PAFAH1B1: variants seen among roughly 807,000 people sequenced by gnomAD.
PAFAH1B1 encodes the protein platelet activating factor acetylhydrolase 1b regulatory subunit 1.
PAFAH1B1 carries 2 observed loss-of-function variants against 57.5 expected under a neutral mutation model. The ratio of observed to expected loss-of-function variants is 0.03; its 90% confidence interval spans 0.01 to 0.11. The LOEUF is 0.11. PAFAH1B1 is among the 10% of genes least tolerant of loss of function. The pLI, the probability that PAFAH1B1 is intolerant of heterozygous loss-of-function variation, is 1.00. For missense variants in PAFAH1B1, 257 were observed against 512.0 expected (o/e 0.50, Z 4.81); for synonymous variants, 152 against 169.6 (o/e 0.90, Z 0.81).
At chr17:2,678,352 A>G (rs2151671622) in intron 9 of PAFAH1B1, among the ~76,000 whole-genome samples, 1 of 150,530 alleles carries the variant, frequency 6.6e-6, no homozygotes, top group Non-Finnish European at 1.5e-5. Flanking sequence ...CAGTGAGCCA[A>G]GATCACGCCA....
chr17:2,631,478 C>G (rs186883068), intron 1 of PAFAH1B1, among the ~76,000 whole-genome samples: 57 of 152,266 alleles, frequency 3.7e-4, no homozygotes, highest in South Asian at 3.1e-3. Flanking sequence ...TGTCCACCCT[C>G]CCTGTGGTGC....
chr17:2,619,718 A>G (rs565304583), intron 1 of PAFAH1B1, among the ~76,000 whole-genome samples: 1 of 152,292 alleles, frequency 6.6e-6, no homozygotes, highest in East Asian at 1.9e-4. Flanking sequence ...ATTTAAGTCT[A>G]TTATACAATT....
At chr17:2,613,815 TC>T in intron 1 of PAFAH1B1, 1 of 284,418 alleles carries the variant, frequency 3.5e-6, no homozygotes, top group Non-Finnish European at 7.2e-6. Context: ...GGCGAGCATC[TC>T]CACTCGGGCA....
At chr17:2,664,550 G>C (rs1310957879) in intron 2 of PAFAH1B1, among the ~76,000 whole-genome samples, 4 of 151,704 alleles carry the variant, frequency 2.6e-5, no homozygotes, top group African/African-American at 4.8e-5. Flanking sequence ...GGATTACAGG[G>C]GCTTGCCACC....
rs950640393 is a variant in PAFAH1B1 at position 2,682,363 on chromosome 17, C to T, written c.*561C>T. ...TTATACATTGGAATTTTTGTCATGA[C>T]ACATTTGCCAAATCAGTAGGATATA... On this transcript the variant is annotated 3_prime_UTR_variant, in exon 11 of 11. Coordinates refer to ENST00000397195, the MANE Select transcript of PAFAH1B1 (RefSeq NM_000430.4). The T allele has an allele frequency of 6.6e-6, 1 of 152,630 alleles. No homozygotes were observed. Among genetic ancestry groups the T allele is most frequent in the East Asian group, 1.9e-4 (1 of 5,208 alleles). The allele number at this position is 152,630 out of a possible 1,614,324, so 9.5% of individuals were successfully genotyped here. A position where few individuals can be genotyped will look rare whatever the true frequency, so the allele number is the denominator to read the frequency against.
In PAFAH1B1 at chr17:2,615,597, C is replaced by T. The variant is rs186125612; in HGVS notation, c.-191+21591C>T. Reference sequence around the variant, plus strand: ...CTGAGACTGCAGGGGCCTGCCACCGCGCCTGGCTAATTTTTCTATTTTTAG... The same window carrying T: ...CTGAGACTGCAGGGGCCTGCCACCGTGCCTGGCTAATTTTTCTATTTTTAG... On this transcript the variant is annotated intron_variant, in intron 1 of 10. Transcript: ENST00000397195. 1.9e-3 allele frequency among the ~76,000 whole-genome samples: 283 copies of T among 152,224 alleles called. 1 individual carries two copies. Among genetic ancestry groups the T allele is most frequent in the African/African-American group, 6.5e-3 (271 of 41,548 alleles).
At position 2,650,806 on chromosome 17, in the gene PAFAH1B1, G is replaced by C. The variant is rs2068839510; in HGVS notation, c.32+12486G>C. On this transcript the variant is annotated intron_variant, in intron 2 of 10. Coordinates refer to ENST00000397195, the MANE Select transcript of PAFAH1B1 (RefSeq NM_000430.4). ...CATTCTCTTCCTCTGTGAAGTGCCT[G>C]TTCGGGGTGTTGCTACGTTTTTGTT... Among the ~76,000 whole-genome samples the C allele has an allele frequency of 2.0e-5, 3 of 152,098 alleles. No individual in the cohort carries two copies. The South Asian group carries it at 6.2e-4, about 32-fold the overall frequency.
chr17:2,636,902 T>G (rs982196869), intron 1 of PAFAH1B1, among the ~76,000 whole-genome samples: 3 of 152,074 alleles, frequency 2.0e-5, no homozygotes, highest in African/African-American at 7.2e-5. Flanking sequence ...TAAAATTTTC[T>G]GTAGAGACGG....
intron 1 of PAFAH1B1, among the ~76,000 whole-genome samples, chr17:2,618,840 A>G (rs1258552879): frequency 6.9e-6 from 1 of 145,788 alleles, no homozygotes; most frequent in Non-Finnish European, 1.5e-5. Flanking sequence ...TGAACCCGGG[A>G]GGTGGAGGTT....
chr17:2,651,492 G>C (rs981207273), intron 2 of PAFAH1B1, among the ~76,000 whole-genome samples: 6 of 151,630 alleles, frequency 4.0e-5, no homozygotes, highest in Non-Finnish European at 7.4e-5. Context: ...GGCTGAGGCA[G>C]GAGAACCTCT....
At chr17:2,638,836 T>C (rs1426444258) in intron 2 of PAFAH1B1, among the ~76,000 whole-genome samples, 5 of 151,978 alleles carry the variant, frequency 3.3e-5, no homozygotes, top group Admixed American at 3.3e-4. Context: ...CCCTTGTGAC[T>C]TGACTGTATG....
chr17:2,636,456 C>T (rs1413354001), intron 1 of PAFAH1B1, among the ~76,000 whole-genome samples: 2 of 152,102 alleles, frequency 1.3e-5, no homozygotes, highest in African/African-American at 2.4e-5. Flanking sequence ...GTTCGTTTTT[C>T]GTTTGTTTGT....
At chr17:2,631,593 C>T (rs532760572) in intron 1 of PAFAH1B1, among the ~76,000 whole-genome samples, 31 of 152,274 alleles carry the variant, frequency 2.0e-4, no homozygotes, top group Non-Finnish European at 4.3e-4. Flanking sequence ...TCTGAAACTT[C>T]GACTGCAAAC....
chr17:2,596,758 A>T (rs909967521), intron 1 of PAFAH1B1, among the ~76,000 whole-genome samples: 2 of 152,132 alleles, frequency 1.3e-5, no homozygotes, highest in Non-Finnish European at 2.9e-5. Context: ...CTGTTTGTAG[A>T]ATATCAAAGC....
intron 1 of PAFAH1B1, among the ~76,000 whole-genome samples, chr17:2,600,650 T>C (rs1442122797): frequency 6.6e-6 from 1 of 152,150 alleles, no homozygotes; most frequent in East Asian, 1.9e-4. Context: ...TTCATATTTT[T>C]ATTTTATAAA....
chr17:2,633,996 C>T (rs947538116), intron 1 of PAFAH1B1, among the ~76,000 whole-genome samples: 28 of 132,548 alleles, frequency 2.1e-4, no homozygotes, highest in African/African-American at 7.1e-4. Context: ...TAGGTTGGTT[C>T]GCTTCAGAAC....
chr17:2,601,482 C>A (rs1358515025), intron 1 of PAFAH1B1, among the ~76,000 whole-genome samples: 1 of 152,028 alleles, frequency 6.6e-6, no homozygotes, highest in Non-Finnish European at 1.5e-5. Context: ...AATCTTGTTG[C>A]CCAGGCTGGA....
intron 1 of PAFAH1B1, among the ~76,000 whole-genome samples, chr17:2,623,144 G>C (rs752111725): frequency 2.0e-5 from 3 of 152,128 alleles, no homozygotes; most frequent in Non-Finnish European, 4.4e-5. Flanking sequence ...GAAGTTCTCT[G>C]ACATGGACTG....
intron 1 of PAFAH1B1, among the ~76,000 whole-genome samples, chr17:2,628,581 A>G (rs1163659813): frequency 6.6e-6 from 1 of 151,922 alleles, no homozygotes; most frequent in Non-Finnish European, 1.5e-5. Context: ...TGGTTTTGGT[A>G]TTAGGGTGAT....
Sources: allele counts gnomAD v4.1 joint callset (sites outside exome capture counted in the v4.1 genomes callset), GRCh38; gene constraint gnomAD v4.1.1; transcripts MANE v1.5; gene names NCBI Gene and HGNC (gene_info 2026-07-23, HGNC 2026-07-21).